The following ARHGAP26 variants were observed in gnomAD, a reference collection of about 807,000 sequenced individuals.
ARHGAP26 encodes Rho GTPase activating protein 26.
In ARHGAP26, 38 loss-of-function variants were observed where a neutral mutation model predicts 104.8. The observed-to-expected ratio is 0.36, with a 90% CI of 0.28 to 0.48. The LOEUF (loss-of-function observed/expected upper bound fraction) is 0.48. ARHGAP26 is among the 20% of genes least tolerant of loss of function. ARHGAP26 has a pLI of 0.99. For missense variants in ARHGAP26, 704 were observed against 947.9 expected, an observed-to-expected ratio of 0.74 and a Z score of 3.38; for synonymous variants, 341 against 340.0, an observed-to-expected ratio of 1.00 and a Z score of -0.03.
At chr5:143,180,283 A>G (rs1029002259) in intron 20 of ARHGAP26, among the ~76,000 whole-genome samples, 1 of 151,934 alleles carries the variant, frequency 6.6e-6, no homozygotes, top group African/African-American at 2.4e-5. Context: ...ACACCACCAC[A>G]CCCAGCTAAT....
intron 20 of ARHGAP26, among the ~76,000 whole-genome samples, chr5:143,184,630 T>C (rs1446789335): frequency 6.6e-6 from 1 of 152,222 alleles, no homozygotes; most frequent in Admixed American, 6.5e-5. Flanking sequence ...CCCTCCTGTC[T>C]CTCATCGGCC....
Position 142,799,647 on chromosome 5 carries a change from A to T in ARHGAP26, c.154+28732A>T, listed in dbSNP as rs375421459. On this transcript the variant is annotated intron_variant, in intron 1 of 22. Transcript: ENST00000645722. ...AATTCTGGAGGCTGGGAAGTCCAAGATTGAGGGCCCAGCATCTGGTGAGGA... is the reference window on the plus strand; with the variant it reads ...AATTCTGGAGGCTGGGAAGTCCAAGTTTGAGGGCCCAGCATCTGGTGAGGA... 2.9e-4 allele frequency among the ~76,000 whole-genome samples: 44 copies of T among 152,324 alleles called. No homozygotes were observed. In the East Asian group the frequency reaches 5.0e-3, roughly 17 times the overall value.
chr5:142,914,475 C>T (rs966468685), intron 10 of ARHGAP26, among the ~76,000 whole-genome samples: 1 of 152,142 alleles, frequency 6.6e-6, no homozygotes, highest in African/African-American at 2.4e-5. Flanking sequence ...AAATGAAGTT[C>T]CCAGGATGGT....
At chr5:143,009,240 C>A (rs1399870118) in intron 11 of ARHGAP26, among the ~76,000 whole-genome samples, 1 of 152,164 alleles carries the variant, frequency 6.6e-6, no homozygotes, top group Non-Finnish European at 1.5e-5. Context: ...AGGGCAAGTT[C>A]TTCCTTCCGG....
intron 20 of ARHGAP26, 162 bp downstream of exon 20, chr5:143,147,543 A>C (rs898342084): frequency 1.4e-6 from 1 of 738,600 alleles, no homozygotes. Flanking sequence ...TGGGTTTTTA[A>C]AGCATCATCA....
In ARHGAP26 at chr5:143,227,931, G is replaced by A. The variant is rs1214706317; in HGVS notation, c.*5485G>A. 3 of 220,754 alleles carry A rather than the reference G, an allele frequency of 1.4e-5. No individual in the cohort carries two copies. Among genetic ancestry groups the A allele is most frequent in the African/African-American group, 6.7e-5 (3 of 44,654 alleles). 13.7% of individuals were successfully genotyped at this position (220,754 alleles called of 1,614,324 possible). A position where few individuals can be genotyped will look rare whatever the true frequency, so the allele number is the denominator to read the frequency against. On this transcript the variant is annotated 3_prime_UTR_variant, in exon 23 of 23. Transcript: ENST00000645722. ...AAAGTTGTGCCAGACATTACAGAGT[G>A]AAAACGTCTCTCAAGGTGGAATGCT...
chr5:143,081,397 T>G (rs1246840255), intron 17 of ARHGAP26, among the ~76,000 whole-genome samples: 2 of 152,208 alleles, frequency 1.3e-5, no homozygotes, highest in Non-Finnish European at 2.9e-5. Flanking sequence ...TCTGGAAGAC[T>G]AAGCACGCTG....
intron 20 of ARHGAP26, among the ~76,000 whole-genome samples, chr5:143,176,415 G>C (rs558272485): frequency 2.6e-5 from 4 of 152,300 alleles, no homozygotes; most frequent in Non-Finnish European, 4.4e-5. Context: ...CTGCAGGCTT[G>C]GCAGGCGAAC....
intron 11 of ARHGAP26, among the ~76,000 whole-genome samples, chr5:142,963,189 T>TATGTATATATATATACATAC (rs1562164715): frequency 1.8e-5 from 2 of 111,114 alleles, no homozygotes; most frequent in African/African-American, 9.3e-5. Flanking sequence ...TATATATATA[T>TATGTATATATATATACATAC]ATATATATAT....
chr5:142,814,047 G>A (rs1268697687), intron 1 of ARHGAP26, among the ~76,000 whole-genome samples: 1 of 152,274 alleles, frequency 6.6e-6, no homozygotes, highest in Non-Finnish European at 1.5e-5. Context: ...TTCCTCAGGA[G>A]GGTTGGCCAG....
chr5:142,816,889 CAGGAGCAGCGGGAGG>C (rs1027696560), intron 1 of ARHGAP26, among the ~76,000 whole-genome samples: 1 of 151,978 alleles, frequency 6.6e-6, no homozygotes, highest in Non-Finnish European at 1.5e-5. Flanking sequence ...AGTGTGGAGG[CAGGAGCAGCGGGAGG>C]GGGAGCAGGT....
intron 11 of ARHGAP26, among the ~76,000 whole-genome samples, chr5:142,940,515 C>T (rs186212262): frequency 1.3e-5 from 2 of 152,234 alleles, no homozygotes; most frequent in Admixed American, 6.5e-5. Context: ...CATGTGTTCT[C>T]ATTTAGCTCC....
chr5:143,000,320 G>C (rs1025867263), intron 11 of ARHGAP26, among the ~76,000 whole-genome samples: 2 of 152,180 alleles, frequency 1.3e-5, no homozygotes, highest in Non-Finnish European at 2.9e-5. Context: ...AAAAAGATTT[G>C]TACAAAAACC....
chr5:142,841,561 C>A (rs1028518476), intron 1 of ARHGAP26, among the ~76,000 whole-genome samples: 2 of 152,194 alleles, frequency 1.3e-5, no homozygotes, highest in African/African-American at 4.8e-5. Context: ...TGAGTGCGGG[C>A]AACCCTGCAA....
chr5:143,106,998 C>G (rs1794118110), intron 17 of ARHGAP26, among the ~76,000 whole-genome samples: 2 of 152,206 alleles, frequency 1.3e-5, no homozygotes, highest in African/African-American at 4.8e-5. Flanking sequence ...TCATATACCT[C>G]TGTTTGATTT....
intron 19 of ARHGAP26, among the ~76,000 whole-genome samples, chr5:143,145,797 G>A (rs1216493930): frequency 6.6e-6 from 1 of 152,116 alleles, no homozygotes; most frequent in African/African-American, 2.4e-5. Flanking sequence ...CTCTCCTGTG[G>A]GGCTTTATCT....
At chr5:143,056,155 TC>T in intron 16 of ARHGAP26, 69 bp downstream of exon 16, 1 of 1,346,772 alleles carries the variant, frequency 7.4e-7, no homozygotes, top group Non-Finnish European at 1.1e-6. Context: ...AGAGTCAGTA[TC>T]CCAAAATAAA....
At chr5:143,030,290 C>T (rs1301868498) in intron 12 of ARHGAP26, among the ~76,000 whole-genome samples, 2 of 152,134 alleles carry the variant, frequency 1.3e-5, no homozygotes, top group African/African-American at 4.8e-5. Flanking sequence ...CCCCTCTTGA[C>T]CCTCATTTAG....
At chr5:142,852,157 G>T in intron 1 of ARHGAP26, among the ~76,000 whole-genome samples, 1 of 152,254 alleles carries the variant, frequency 6.6e-6, no homozygotes, top group Non-Finnish European at 1.5e-5. Flanking sequence ...AAAAGAAAGA[G>T]TGAGGTATGC....
Sources: allele counts gnomAD v4.1 joint callset (sites outside exome capture counted in the v4.1 genomes callset), GRCh38; gene constraint gnomAD v4.1.1; transcripts MANE v1.5; gene names NCBI Gene and HGNC (gene_info 2026-07-23, HGNC 2026-07-21).